The following MYL5 variants were observed in gnomAD, a reference collection of about 807,000 sequenced individuals.
MYL5 encodes myosin light chain 5.
In MYL5, 28 loss-of-function variants were observed where a neutral mutation model predicts 20.8. The ratio of observed to expected loss-of-function variants is 1.35; its 90% CI spans 1.00 to 1.84. The LOEUF is 1.84. MYL5 is among the 40% of genes most tolerant of loss of function. The pLI is 0.00. For synonymous variants in MYL5, 118 were observed against 87.4 expected, an observed-to-expected ratio of 1.35 and a Z score of -1.95; for missense variants, 274 against 227.3, an observed-to-expected ratio of 1.21 and a Z score of -1.32.
Position 678,892 on chromosome 4 carries a change from G to C in MYL5, c.112-66G>C. On this transcript the variant is annotated intron_variant, in intron 2 of 6. Transcript: ENST00000400159. ...CCTCAGTCAGGGGTGCTGAGGAACC[G>C]GGAGCAGGGGGCGGGGCAGAGCCCA... The C allele has an allele frequency of 3.1e-6, 5 of 1,609,060 alleles. No individual in the cohort carries two copies. In the South Asian group the frequency reaches 4.4e-5, roughly 14 times the overall value.
Position 678,865 on chromosome 4 carries a change from A to G in MYL5, c.112-93A>G, listed in dbSNP as rs2109335645. ...CCAGGGCCAGCAGGAGTGGAAGCCT[A>G]TCCTCAGTCAGGGGTGCTGAGGAAC... On this transcript the variant is annotated intron_variant, in intron 2 of 6. Coordinates refer to ENST00000400159, the Ensembl canonical transcript of MYL5. 5 of 1,608,334 alleles carry G rather than the reference A, an allele frequency of 3.1e-6. No homozygotes were observed. The Admixed American group carries it at 6.7e-5, about 22-fold the overall frequency.
At chr4:681,915 C>T (rs767484515) in exon 7 of MYL5, 6 of 1,319,562 alleles carry the variant, frequency 4.5e-6, no homozygotes, top group Non-Finnish European at 4.9e-6. Context: ...TTCCAGTTCG[C>T]CTCCATCGAT....
chr4:677,168 G>T (rs1246145831), upstream of MYL5, among the ~76,000 whole-genome samples: 1 of 152,174 alleles, frequency 6.6e-6, no homozygotes, highest in African/African-American at 2.4e-5. Flanking sequence ...GGCCTGGGGG[G>T]CTCCAAAAGC....
chr4:678,195 CGT>C (rs1281350294), intron 1 of MYL5, 166 bp downstream of exon 3: 5 of 1,522,848 alleles, frequency 3.3e-6, no homozygotes, highest in South Asian at 2.5e-5. Context: ...TGTGTATGTG[CGT>C]GTGTGTGACC....
chr4:680,989 C>A, intron 5 of MYL5, 103 bp from the exon 8 acceptor site: 1 of 1,271,664 alleles, frequency 7.9e-7, no homozygotes, highest in Non-Finnish European at 1.1e-6. Flanking sequence ...GGCGGGAGTG[C>A]AGTGAGCGAG....
intron 6 of MYL5, among the ~76,000 whole-genome samples, chr4:681,564 G>A (rs1229699082): frequency 6.1e-5 from 8 of 130,370 alleles, no homozygotes; most frequent in Non-Finnish European, 9.5e-5. Context: ...GGCCGAGCCC[G>A]ACACGTGCGC....
chr4:678,116 C>G (rs1171722745), intron 1 of MYL5, 87 bp downstream of exon 3: 1 of 1,579,642 alleles, frequency 6.3e-7, no homozygotes, highest in Non-Finnish European at 8.6e-7. Context: ...CGAGCGTGGG[C>G]GTGTCCGTGC....
chr4:677,222 G>A (rs1039165993), upstream of MYL5, among the ~76,000 whole-genome samples: 15 of 152,154 alleles, frequency 9.9e-5, no homozygotes, highest in African/African-American at 3.6e-4. Flanking sequence ...GATCCTGCTT[G>A]GCCTGCAGAC....
intron 3 of MYL5, 174 bp downstream of exon 5, chr4:679,207 G>A (rs1484625482): frequency 4.1e-6 from 3 of 734,988 alleles, no homozygotes; most frequent in Non-Finnish European, 7.2e-6. Context: ...TTCCATCAGA[G>A]CTGGCAGAGA....
At chr4:681,866 A>G in intron 6 of MYL5, 27 bp from the exon 9 acceptor site, 1 of 1,308,588 alleles carries the variant, frequency 7.6e-7, no homozygotes, top group Middle Eastern at 2.3e-4. Context: ...CGGAGCCCGC[A>G]AGGAGCCCTT....
At chr4:675,770 A>C (rs1389556207), upstream of MYL5, 1 of 152,320 alleles carries the variant, frequency 6.6e-6, no homozygotes, top group Non-Finnish European at 1.5e-5. Context: ...AGCTCCACCC[A>C]CTTTCAGATC....
At chr4:681,239 C>A in intron 6 of MYL5, 99 bp downstream of exon 8, 2 of 1,425,562 alleles carry the variant, frequency 1.4e-6, no homozygotes, top group Non-Finnish European at 1.9e-6. Flanking sequence ...AGCAGCGCCG[C>A]GGTTAGGACC....
chr4:677,148 C>T (rs913551951), upstream of MYL5, among the ~76,000 whole-genome samples: 5 of 152,200 alleles, frequency 3.3e-5, no homozygotes, highest in African/African-American at 1.2e-4. Context: ...CTGCGTCCCA[C>T]GCAGACGCAG....
At chr4:679,129 AG>A (rs1560153559) in intron 3 of MYL5, 96 bp downstream of exon 5, 1 of 975,306 alleles carries the variant, frequency 1.0e-6, no homozygotes, top group South Asian at 1.7e-5. Context: ...GAATGGAGCC[AG>A]GGCCCGCGCC....
chr4:678,299 C>CT, intron 1 of MYL5: 1 of 1,431,598 alleles, frequency 7.0e-7, no homozygotes, highest in Non-Finnish European at 9.2e-7. Flanking sequence ...GGGTTCCTGG[C>CT]TTTCACAAAA....
In MYL5 at chr4:678,482, C is replaced by T. The variant is rs894216648; in HGVS notation, c.4-176C>T. 7.7e-6 allele frequency: 11 copies of T among 1,437,206 alleles called. No individual in the cohort carries two copies. The East Asian group carries it at 1.3e-4, about 16-fold the overall frequency. 89.0% of individuals were successfully genotyped at this position (1,437,206 alleles called of 1,614,324 possible). A position where few individuals can be genotyped will look rare whatever the true frequency, so the allele number is the denominator to read the frequency against. ...AAGCCAGACACCTGCAGCCGTCCTG[C>T]CCCCAACCCCAGCTACCCAGGCCTG... On this transcript the variant is annotated intron_variant, in intron 1 of 6. Coordinates refer to ENST00000400159, the Ensembl canonical transcript of MYL5.
At chr4:680,610 C>T (rs183434067) in intron 5 of MYL5, 23 bp downstream of exon 7, 77 of 1,609,300 alleles carry the variant, frequency 4.8e-5, no homozygotes, top group African/African-American at 3.3e-4. Flanking sequence ...GCGGCCAGGG[C>T]GGCCCGGCTT....
Position 681,210 on chromosome 4 carries a change from G to C in MYL5, c.420+70G>C, listed in dbSNP as rs1184864064. 3.9e-6 allele frequency: 6 copies of C among 1,544,396 alleles called. No individual in the cohort carries two copies. In the South Asian group the frequency reaches 5.9e-5, roughly 15 times the overall value. On this transcript the variant is annotated intron_variant, in intron 6 of 6. Transcript: ENST00000400159. The stretch of plus-strand genomic sequence containing the variant: ...GGCTCCCGGGGTCAGCTGGGTGGAG[G>C]GGGACGCGGAGCCCGAGGAGCAGCG...
intron 1 of MYL5, chr4:678,331 C>T: frequency 7.0e-7 from 1 of 1,419,106 alleles, no homozygotes; most frequent in Non-Finnish European, 9.2e-7. Flanking sequence ...AGAACAAGCC[C>T]ACCCAGAGTC....
Sources: allele counts gnomAD v4.1 joint callset (sites outside exome capture counted in the v4.1 genomes callset), GRCh38; gene constraint gnomAD v4.1.1; transcripts MANE v1.5; gene names NCBI Gene and HGNC (gene_info 2026-07-23, HGNC 2026-07-21).